Variants in TTC16 observed in about 807,000 individuals in gnomAD.
TTC16 encodes the protein tetratricopeptide repeat protein 16.
In TTC16, 66 loss-of-function variants were observed where a neutral mutation model predicts 80.4. The ratio of observed to expected loss-of-function variants is 0.82; its 90% CI spans 0.67 to 1.01. TTC16 has a LOEUF of 1.01. Among genes scored for constraint, TTC16 ranks in the 50% least tolerant of loss-of-function variants. The pLI is 0.00. For missense variants in TTC16, 1,070 were observed against 1,103.2 expected (o/e 0.97, Z 0.43); for synonymous variants, 438 against 451.3 (o/e 0.97, Z 0.37).
Position 127,716,120 on chromosome 9 carries a change from C to G in TTC16, c.-26C>G. 6.2e-7 allele frequency: 1 copy of G among 1,613,972 alleles called. No homozygotes were observed. ...GGGCCGCGAGGTAGTTGGCAGAGGC[C>G]TCGGGGTCCTCCTGGAAGGGGCCTC... On this transcript the variant is annotated 5_prime_UTR_variant, in exon 1 of 14. Transcript: ENST00000373289.
At position 127,730,644 on chromosome 9, in the gene TTC16, A is replaced by G. The variant is rs770708196; in HGVS notation, c.1861A>G (p.Thr621Ala). Residue 621 changes from threonine (T) to alanine (A), a missense_variant, in exon 14 of 14, where the codon ACA becomes GCA. By Grantham distance (58) the Thr-to-Ala change is moderately conservative. Coordinates refer to ENST00000373289, the MANE Select transcript of TTC16 (RefSeq NM_144965.3). ...SSASSMSFRT[T>A]GTSETEMSAI... The stretch of plus-strand genomic sequence containing the variant: ...TGGCACCCCCTTCCTAGTCAGGACC[A>G]CAGGCACCTCAGAGACTGAGATGTC... The G allele has an allele frequency of 3.7e-6, 6 of 1,612,396 alleles. No homozygotes were observed. Among genetic ancestry groups the G allele is most frequent in the Non-Finnish European group, 5.1e-6 (6 of 1,179,884 alleles).
chr9:127,730,598 G>A (rs758597259), intron 13 of TTC16, 38 bp from the exon 14 acceptor site: 8 of 1,597,162 alleles, frequency 5.0e-6, no homozygotes, highest in African/African-American at 1.3e-5. Context: ...GGGCAGGTGC[G>A]GCAGGCCTGA....
Position 127,724,223 on chromosome 9 carries a change from G to A in TTC16, c.976G>A (p.Ala326Thr). The part of the protein sequence containing the change: ...TEDQEDMVRQ[A>T]QRQLLLTYND... ...GGACCAGGAGGACATGGTGCGGCAG[G>A]CACAGCGCCAGCTGTTGCTGACCTA... Residue 326 changes from alanine (A) to threonine (T), a missense_variant, in exon 8 of 14, where the codon GCA becomes ACA. Ala to Thr is a moderately conservative substitution (Grantham distance 58, BLOSUM62 0). Coordinates refer to ENST00000373289, the MANE Select transcript of TTC16 (RefSeq NM_144965.3). 6.2e-7 allele frequency: 1 copy of A among 1,613,142 alleles called. No homozygotes were observed. The highest frequency in any genetic ancestry group is 8.5e-7 in the Non-Finnish European group (1 of 1,180,030).
intron 1 of TTC16, 165 bp from the exon 2 acceptor site, chr9:127,716,679 C>T: frequency 1.2e-6 from 1 of 842,046 alleles, no homozygotes; most frequent in Non-Finnish European, 1.8e-6. Flanking sequence ...TTGGAGCGTC[C>T]CTAAGGGGAA....
chr9:127,720,060 T>A lies in TTC16; in HGVS notation c.427-18T>A. ...GGCTGGGGTGGCAAGCAGAATTGAC[T>A]GTCCCCTGTGTCCCCAGGGACAATG... On this transcript the variant is annotated intron_variant, in intron 4 of 13. Coordinates refer to ENST00000373289, the MANE Select transcript of TTC16 (RefSeq NM_144965.3). The A allele has an allele frequency of 6.2e-7, 1 of 1,612,514 alleles. No homozygotes were observed. Among genetic ancestry groups the A allele is most frequent in the Non-Finnish European group, 8.5e-7 (1 of 1,178,904 alleles).
chr9:127,723,719 A>C (rs1032685756), intron 7 of TTC16, among the ~76,000 whole-genome samples: 5 of 152,132 alleles, frequency 3.3e-5, no homozygotes, highest in African/African-American at 1.2e-4. Context: ...CCACCCAGCC[A>C]ATCTCTCCCT....
intron 6 of TTC16, 63 bp downstream of exon 6, chr9:127,720,458 G>A: frequency 6.3e-7 from 1 of 1,598,666 alleles, no homozygotes; most frequent in South Asian, 1.1e-5. Context: ...TGTGCCCCAA[G>A]ATTGCAGGAA....
Position 127,731,240 on chromosome 9 carries a change from G to A in TTC16, c.2457G>A (p.Glu819=), listed in dbSNP as rs911475849. 6.2e-6 allele frequency: 10 copies of A among 1,612,982 alleles called. No homozygotes were observed. Among genetic ancestry groups the A allele is most frequent in the Non-Finnish European group, 8.5e-6 (10 of 1,179,962 alleles). The change falls in exon 14 of 14, where the codon GAG becomes GAA. Residue 819 remains glutamate (E), a synonymous_variant. Transcript: ENST00000373289. ...CAAACTGGAGCCTCAGCAAAACTGA[G>A]TATGCCCAAGGCCAGGGCCAGAGGT... is the stretch of plus-strand genomic sequence containing the variant. The part of the protein sequence containing the change: ...YDSNWSLSKT[E]YAQGQGQRSS...
chr9:127,716,086 T>G lies in TTC16; in HGVS notation c.-60T>G. On this transcript the variant is annotated 5_prime_UTR_variant, in exon 1 of 14. Coordinates refer to ENST00000373289, the MANE Select transcript of TTC16 (RefSeq NM_144965.3). Reference sequence around the variant, plus strand: ...GTCCTGGTGATGGTGCCTAGCAACGTCAGGGCCAGGGCCGCGAGGTAGTTG... The same window carrying G: ...GTCCTGGTGATGGTGCCTAGCAACGGCAGGGCCAGGGCCGCGAGGTAGTTG... 6.2e-7 allele frequency: 1 copy of G among 1,612,998 alleles called. No homozygotes were observed. The highest frequency in any genetic ancestry group is 8.5e-7 in the Non-Finnish European group (1 of 1,179,468).
At chr9:127,726,118 C>T (rs1588449914) in intron 9 of TTC16, 121 bp from the exon 10 acceptor site, 6 of 685,640 alleles carry the variant, frequency 8.8e-6, no homozygotes, top group South Asian at 3.3e-5. Flanking sequence ...AGGAGAGGGG[C>T]GTGGTGAGGG....
chr9:127,729,949 G>A (rs1844263311), intron 13 of TTC16: 3 of 440,080 alleles, frequency 6.8e-6, no homozygotes, highest in Non-Finnish European at 1.2e-5. Flanking sequence ...ATGGCCAGGG[G>A]GCTTTTAGCC....
At position 127,730,831 on chromosome 9, in the gene TTC16, G is replaced by A; in HGVS notation, c.2048G>A (p.Ser683Asn). ...KATQGQRQSL[S>N]KTEPTQSQRR... The stretch of plus-strand genomic sequence containing the variant: ...ACCCAGGGCCAGAGGCAGAGCCTTA[G>A]CAAGACTGAGCCCACCCAGAGCCAG... Residue 683 changes from serine (S) to asparagine (N), a missense_variant, in exon 14 of 14, where the codon AGC (serine) becomes AAC (asparagine). Coordinates refer to ENST00000373289, the MANE Select transcript of TTC16 (RefSeq NM_144965.3). 1 of 1,613,250 alleles carries A rather than the reference G, an allele frequency of 6.2e-7. No homozygotes were observed. The highest frequency in any genetic ancestry group is 1.1e-5 in the South Asian group (1 of 91,058).
At chr9:127,719,549 G>A (rs1843294018) in intron 4 of TTC16, among the ~76,000 whole-genome samples, 1 of 152,206 alleles carries the variant, frequency 6.6e-6, no homozygotes, top group Admixed American at 6.5e-5. Flanking sequence ...CTGGAGGGCT[G>A]TGGCACGATC....
chr9:127,717,645 T>TA lies in TTC16; in HGVS notation c.300dup (p.Arg101ThrfsTer3). 6.2e-7 allele frequency: 1 copy of TA among 1,614,022 alleles called. No individual in the cohort carries two copies. ...CACCCTCAGGTGGACTTCTATGCCT[T>TA]ACGGGCTGAGGCCTACCTCCAGCTC... On this transcript the variant is annotated frameshift_variant, in exon 4 of 14. Coordinates refer to ENST00000373289, the MANE Select transcript of TTC16 (RefSeq NM_144965.3). LOFTEE classifies it high-confidence loss of function.
Position 127,724,110 on chromosome 9 carries a change from C to T in TTC16, c.873-10C>T. Reference sequence around the variant, plus strand: ...GTCCCTCCTGCCGTCTCCCACGCCCCCCCCGACAGGGGCACCATGTACCGA... The same window carrying T: ...GTCCCTCCTGCCGTCTCCCACGCCCTCCCCGACAGGGGCACCATGTACCGA... On this transcript the variant is annotated splice_polypyrimidine_tract_variant and intron_variant, in intron 7 of 13. Coordinates refer to ENST00000373289, the MANE Select transcript of TTC16 (RefSeq NM_144965.3). 1 of 1,598,284 alleles carries T rather than the reference C, an allele frequency of 6.3e-7. No homozygotes were observed. Among genetic ancestry groups the T allele is most frequent in the Non-Finnish European group, 8.5e-7 (1 of 1,171,200 alleles).
rs1399209684 is a variant in TTC16 at position 127,722,254 on chromosome 9, C to T, written c.658-865C>T. On this transcript the variant is annotated intron_variant, in intron 6 of 13. Transcript: ENST00000373289. This position sits in a 1 kb window ranked among gnomAD's most constrained non-coding sequence, Gnocchi z 4.2. ...TCCCTCCACCCACACCTGCTGTCCA[C>T]ACCATCCCGTTCACCTGCCAGCCAG... is the stretch of plus-strand genomic sequence containing the variant. Among the ~76,000 whole-genome samples, 2 of 152,216 alleles carry T rather than the reference C, an allele frequency of 1.3e-5. No individual in the cohort carries two copies. The highest frequency in any genetic ancestry group is 1.5e-5 in the Non-Finnish European group (1 of 68,042).
At position 127,729,669 on chromosome 9, in the gene TTC16, G is replaced by GT; in HGVS notation, c.1852+2dup. On this transcript the variant is annotated splice_donor_variant, in intron 13 of 13. Coordinates refer to ENST00000373289, the MANE Select transcript of TTC16 (RefSeq NM_144965.3). LOFTEE classifies it high-confidence loss of function. ...ACCTCTTCAGCCTCCAGCATGAGCTGTAAGTCCCTGGTGCTTCCGCCAGGC... is the reference window on the plus strand; with the variant it reads ...ACCTCTTCAGCCTCCAGCATGAGCTGTTAAGTCCCTGGTGCTTCCGCCAGGC... The GT allele has an allele frequency of 1.2e-6, 2 of 1,613,310 alleles. No individual in the cohort carries two copies. The highest frequency in any genetic ancestry group is 1.7e-6 in the Non-Finnish European group (2 of 1,179,910).
rs961284130 is a variant in TTC16 at position 127,716,973 on chromosome 9, C to T, written c.148C>T (p.Pro50Ser). 3.7e-6 allele frequency: 6 copies of T among 1,614,182 alleles called. No homozygotes were observed. Among genetic ancestry groups the T allele is most frequent in the Admixed American group, 1.7e-5 (1 of 60,024 alleles). ...HVFQSICDVK[P>S]KVTGLTVPLK... ...GTTCCAAAGCATCTGTGATGTAAAACCAAAGGTCACAGGGTTAACAGTGCC... is the reference window on the plus strand; with the variant it reads ...GTTCCAAAGCATCTGTGATGTAAAATCAAAGGTCACAGGGTTAACAGTGCC... Residue 50 changes from proline to serine, a missense_variant, in exon 2 of 14, where the codon CCA becomes TCA. Coordinates refer to ENST00000373289, the MANE Select transcript of TTC16 (RefSeq NM_144965.3).
chr9:127,721,455 G>A (rs1843502765), intron 6 of TTC16, among the ~76,000 whole-genome samples: 1 of 149,000 alleles, frequency 6.7e-6, no homozygotes, highest in East Asian at 2.0e-4. Context: ...TTCTGGCTTG[G>A]CCTGGGTGGA....
Sources: gnomAD v4.1 joint callset for allele counts (sites outside exome capture counted in the v4.1 genomes callset) on GRCh38, gnomAD v4.1.1 for gene constraint, Gnocchi (gnomAD v3.1) non-coding constraint, MANE v1.5 for transcripts, NCBI Gene and HGNC (gene_info 2026-07-23, HGNC 2026-07-21) for gene names.